BMP6: variants seen among roughly 807,000 people sequenced by gnomAD.
The protein encoded by BMP6 is VG-1-R.
A neutral mutation model predicts 54.1 loss-of-function variants in BMP6; 17 were observed. The observed-to-expected ratio is 0.31, with a 90% CI of 0.22 to 0.47. The LOEUF (loss-of-function observed/expected upper bound fraction) is 0.47. Among genes scored for constraint, BMP6 ranks in the 20% least tolerant of loss-of-function variants. The pLI is 1.00. For missense variants in BMP6, 720 were observed against 690.4 expected (o/e 1.04, Z -0.48); for synonymous variants, 328 against 291.2 (o/e 1.13, Z -1.28).
intron 1 of BMP6, among the ~76,000 whole-genome samples, chr6:7,774,832 A>G (rs973789922): frequency 1.1e-4 from 17 of 152,242 alleles, no homozygotes; most frequent in African/African-American, 4.1e-4. Flanking sequence ...GGCAATTATA[A>G]AGAAAAGAAA....
At chr6:7,823,659 T>C (rs1358679300) in intron 1 of BMP6, among the ~76,000 whole-genome samples, 1 of 152,174 alleles carries the variant, frequency 6.6e-6, no homozygotes, top group African/African-American at 2.4e-5. Flanking sequence ...AGATGATATG[T>C]GAGCAGAGAT....
chr6:7,859,406 C>T (rs1021945794), intron 2 of BMP6, among the ~76,000 whole-genome samples: 4 of 152,054 alleles, frequency 2.6e-5, no homozygotes, highest in African/African-American at 4.8e-5. Flanking sequence ...CATGTGCTCA[C>T]GGGCCCCGCC....
chr6:7,844,600 C>T (rs1051776083), intron 1 of BMP6, among the ~76,000 whole-genome samples: 3 of 151,992 alleles, frequency 2.0e-5, no homozygotes, highest in Non-Finnish European at 4.4e-5. Context: ...AAATGCTTTG[C>T]CCACCCCCCT....
chr6:7,836,867 C>T (rs752282756), intron 1 of BMP6, among the ~76,000 whole-genome samples: 4 of 152,134 alleles, frequency 2.6e-5, no homozygotes, highest in African/African-American at 7.2e-5. Flanking sequence ...GTCAAAAGGC[C>T]GCTGTCGTTA....
At chr6:7,775,240 A>G (rs781409176) in intron 1 of BMP6, among the ~76,000 whole-genome samples, 1 of 152,224 alleles carries the variant, frequency 6.6e-6, no homozygotes, top group Non-Finnish European at 1.5e-5. Flanking sequence ...GAGATAAGGC[A>G]CAAGGTGTTA....
chr6:7,879,024 G>GTTGATGGGTGCATCTT lies in BMP6; in HGVS notation c.1205-28_1205-13dup, dbSNP rs550970857. ...AAACTCTCTATGAAGGAATTAATGAGTTGATGGGTGCATCTTTTGATGGGT... is the reference window on the plus strand; with the variant it reads ...AAACTCTCTATGAAGGAATTAATGAGTTGATGGGTGCATCTTTTGATGGGTGCATCTTTTGATGGGT... On this transcript the variant is annotated intron_variant, in intron 4 of 6. Coordinates refer to ENST00000283147, the MANE Select transcript of BMP6 (RefSeq NM_001718.6). The GTTGATGGGTGCATCTT allele has an allele frequency of 2.2e-4, 343 of 1,552,922 alleles. 2 individuals carry two copies. The East Asian group carries it at 2.8e-3, about 13-fold the overall frequency.
chr6:7,843,202 G>T (rs575085582), intron 1 of BMP6, among the ~76,000 whole-genome samples: 2 of 151,872 alleles, frequency 1.3e-5, no homozygotes, highest in African/African-American at 4.8e-5. Context: ...TTTCTGGTTG[G>T]ACTTCTTCTT....
intron 1 of BMP6, among the ~76,000 whole-genome samples, chr6:7,812,701 CA>C (rs1473174690): frequency 5.9e-5 from 9 of 151,876 alleles, no homozygotes; most frequent in African/African-American, 1.9e-4. Flanking sequence ...AGAAAAATAT[CA>C]AAGTTGAATG....
chr6:7,828,779 C>T (rs556229489), intron 1 of BMP6, among the ~76,000 whole-genome samples: 1 of 152,364 alleles, frequency 6.6e-6, no homozygotes, highest in South Asian at 2.1e-4. Flanking sequence ...TGTTTTCTTT[C>T]TCACTGGCTA....
At chr6:7,802,982 G>A (rs1193557505) in intron 1 of BMP6, among the ~76,000 whole-genome samples, 1 of 152,322 alleles carries the variant, frequency 6.6e-6, no homozygotes, top group Non-Finnish European at 1.5e-5. Context: ...AGATATGGTT[G>A]CTATACAGAT....
intron 1 of BMP6, among the ~76,000 whole-genome samples, chr6:7,760,601 G>A (rs1757597850): frequency 6.6e-6 from 1 of 152,104 alleles, no homozygotes; most frequent in African/African-American, 2.4e-5. Context: ...CCAAGTAGCT[G>A]GGATTACAGA....
chr6:7,742,374 C>T (rs564626377), intron 1 of BMP6, among the ~76,000 whole-genome samples: 36 of 152,308 alleles, frequency 2.4e-4, no homozygotes, highest in African/African-American at 8.7e-4. Flanking sequence ...CAAGGAGGCA[C>T]GACTCTTCAC....
chr6:7,880,331 T>C lies in BMP6; in HGVS notation c.1530T>C (p.Cys510=), dbSNP rs749104014. The change falls in exon 7 of 7, where the codon TGT becomes TGC. Residue 510 remains cysteine, a synonymous_variant. Coordinates refer to ENST00000283147, the MANE Select transcript of BMP6 (RefSeq NM_001718.6). ...ACAGGAATATGGTTGTAAGAGCTTG[T>C]GGATGCCACTAACTCGAAACCAGAT... ...KKYRNMVVRA[C]GCH is the part of the protein sequence containing the mutation. The C allele has an allele frequency of 1.2e-6, 2 of 1,614,180 alleles. No homozygotes were observed. Among genetic ancestry groups the C allele is most frequent in the South Asian group, 1.1e-5 (1 of 91,074 alleles).
At chr6:7,768,517 C>G (rs535198295) in intron 1 of BMP6, among the ~76,000 whole-genome samples, 1 of 152,302 alleles carries the variant, frequency 6.6e-6, no homozygotes, top group South Asian at 2.1e-4. Context: ...TGTCCCAAGG[C>G]TGTCTTCTGG....
At chr6:7,833,994 T>A (rs1460929980) in intron 1 of BMP6, among the ~76,000 whole-genome samples, 2 of 152,070 alleles carry the variant, frequency 1.3e-5, no homozygotes, top group Non-Finnish European at 2.9e-5. Context: ...TGTGGGAGTT[T>A]CCATGAGCAA....
At chr6:7,875,927 C>T (rs548650301) in intron 4 of BMP6, among the ~76,000 whole-genome samples, 128 of 152,282 alleles carry the variant, frequency 8.4e-4, no homozygotes, top group Non-Finnish European at 1.6e-3. Flanking sequence ...GCCGTACTAC[C>T]CATTCTTGAT....
intron 1 of BMP6, among the ~76,000 whole-genome samples, chr6:7,818,175 A>G (rs904589561): frequency 6.6e-6 from 1 of 152,198 alleles, no homozygotes; most frequent in Non-Finnish European, 1.5e-5. Context: ...TTAGAGCCGG[A>G]GAAGCTTTCC....
chr6:7,845,110 G>A, intron 1 of BMP6, 30 bp from the exon 2 acceptor site: 1 of 1,583,794 alleles, frequency 6.3e-7, no homozygotes, highest in Non-Finnish European at 8.6e-7. Flanking sequence ...AGTAACAATA[G>A]TTGTCACTCT....
At chr6:7,809,370 G>A (rs1316139841) in intron 1 of BMP6, among the ~76,000 whole-genome samples, 6 of 152,174 alleles carry the variant, frequency 3.9e-5, no homozygotes, top group South Asian at 4.1e-4. Context: ...GTGTGATTAG[G>A]GATGTGCAAA....
Sources: allele counts gnomAD v4.1 joint callset (sites outside exome capture counted in the v4.1 genomes callset), GRCh38; gene constraint gnomAD v4.1.1; transcripts MANE v1.5; gene names NCBI Gene and HGNC (gene_info 2026-07-23, HGNC 2026-07-21).